The following PAK2 variants were observed in gnomAD, a reference collection of about 807,000 sequenced individuals.
The protein encoded by PAK2 is serine/threonine-protein kinase PAK 2.
A neutral mutation model predicts 65.9 loss-of-function variants in PAK2; 21 were observed. That is an observed-to-expected ratio of 0.32 (90% CI 0.23 to 0.46). The LOEUF (loss-of-function observed/expected upper bound fraction) is 0.46. PAK2 is among the 20% of genes least tolerant of loss of function. The pLI is 1.00. For synonymous variants in PAK2, 204 were observed against 219.7 expected (o/e 0.93, Z 0.63); for missense variants, 324 against 642.6 (o/e 0.50, Z 5.36).
intron 1 of PAK2, among the ~76,000 whole-genome samples, chr3:196,772,595 G>A (rs530706454): frequency 7.9e-5 from 12 of 152,130 alleles, no homozygotes; most frequent in Middle Eastern, 3.4e-3. Flanking sequence ...GCTACTAGTG[G>A]GACTGATGTT....
intron 1 of PAK2, among the ~76,000 whole-genome samples, chr3:196,779,673 GTTTT>G (rs1714644048): frequency 6.6e-6 from 1 of 152,020 alleles, no homozygotes; most frequent in Non-Finnish European, 1.5e-5. Flanking sequence ...TGTTGTTGTT[GTTTT>G]TTGTTTTGTT....
chr3:196,825,437 T>A (rs188722737), intron 13 of PAK2, among the ~76,000 whole-genome samples: 7,307 of 150,364 alleles, frequency 0.049, 623 homozygotes, highest in African/African-American at 0.17. Context: ...AAGTTGGGAG[T>A]TTAAGACCAG....
At chr3:196,764,249 CAAAT>C (rs975891208) in intron 1 of PAK2, among the ~76,000 whole-genome samples, 10 of 152,052 alleles carry the variant, frequency 6.6e-5, no homozygotes, top group African/African-American at 1.9e-4. Context: ...ATAAGTTTGT[CAAAT>C]AAACATTTTA....
Position 196,816,240 on chromosome 3 carries a change from TA to T in PAK2, c.1053+1673del, listed in dbSNP as rs1296706806. On this transcript the variant is annotated intron_variant, in intron 11 of 14. Coordinates refer to ENST00000327134, the MANE Select transcript of PAK2 (RefSeq NM_002577.4). ...TGTTCATGTAAGGATGATACATATA[TA>T]TTTCCCTTTTCCATCTGTCATTAAG... Among the ~76,000 whole-genome samples, 3 of 152,194 alleles carry T rather than the reference TA, an allele frequency of 2.0e-5. No homozygotes were observed. In the East Asian group the frequency reaches 5.8e-4, roughly 29 times the overall value.
intron 13 of PAK2, among the ~76,000 whole-genome samples, chr3:196,823,066 C>T (rs1234121541): frequency 6.6e-6 from 1 of 152,092 alleles, no homozygotes; most frequent in East Asian, 1.9e-4. Flanking sequence ...AAGTGGTCTC[C>T]TTCAGTTTTA....
chr3:196,796,248 A>G (rs938017176), intron 2 of PAK2, among the ~76,000 whole-genome samples: 1 of 152,178 alleles, frequency 6.6e-6, no homozygotes, highest in Non-Finnish European at 1.5e-5. Flanking sequence ...AATTGTTTTG[A>G]GTTTTTAAGA....
At chr3:196,763,837 A>C (rs1714065698) in intron 1 of PAK2, among the ~76,000 whole-genome samples, 1 of 152,218 alleles carries the variant, frequency 6.6e-6, no homozygotes, top group African/African-American at 2.4e-5. Context: ...TCTGTCACCC[A>C]GGCTGGAGTG....
chr3:196,789,038 G>T (rs1040574348), intron 2 of PAK2, among the ~76,000 whole-genome samples: 3 of 152,174 alleles, frequency 2.0e-5, no homozygotes, highest in Non-Finnish European at 4.4e-5. Context: ...GAAAGACCTG[G>T]CCATCTCTCT....
At chr3:196,786,451 G>A (rs1355021231) in intron 2 of PAK2, among the ~76,000 whole-genome samples, 4 of 152,010 alleles carry the variant, frequency 2.6e-5, no homozygotes, top group South Asian at 2.1e-4. Flanking sequence ...GTGAGCCACC[G>A]TGCCTGTCTT....
chr3:196,792,194 T>C (rs1715095318), intron 2 of PAK2, among the ~76,000 whole-genome samples: 1 of 152,164 alleles, frequency 6.6e-6, no homozygotes, highest in Admixed American at 6.6e-5. Flanking sequence ...TTTCCAAAAG[T>C]AGGATGCTGA....
At chr3:196,819,007 A>G (rs2108771867) in intron 12 of PAK2, among the ~76,000 whole-genome samples, 1 of 152,374 alleles carries the variant, frequency 6.6e-6, no homozygotes, top group South Asian at 2.1e-4. Flanking sequence ...TCTCTCCTGT[A>G]GAATTTCTGA....
At chr3:196,769,548 A>G (rs986906599) in intron 1 of PAK2, among the ~76,000 whole-genome samples, 1 of 151,754 alleles carries the variant, frequency 6.6e-6, no homozygotes, top group Non-Finnish European at 1.5e-5. Context: ...GTGGTGGCTC[A>G]CGCCTGTAAT....
intron 14 of PAK2, 78 bp downstream of exon 14, chr3:196,827,411 AAGT>A: frequency 6.5e-7 from 1 of 1,543,984 alleles, no homozygotes; most frequent in Non-Finnish European, 8.7e-7. Flanking sequence ...TAGGGCTAAT[AAGT>A]AGATTTCACT....
chr3:196,747,306 A>T (rs2108707014), intron 1 of PAK2: 1 of 152,244 alleles, frequency 6.6e-6, no homozygotes, highest in East Asian at 1.9e-4. Flanking sequence ...TGGCTACGAT[A>T]CCGCCACTGT....
chr3:196,805,439 C>T (rs1715555389), intron 5 of PAK2, 56 bp downstream of exon 5: 3 of 824,176 alleles, frequency 3.6e-6, no homozygotes, highest in Non-Finnish European at 5.8e-6. Context: ...TTACCCAAGA[C>T]AAATCTCAGT....
intron 7 of PAK2, among the ~76,000 whole-genome samples, chr3:196,809,267 T>G (rs529212007): frequency 6.7e-6 from 1 of 150,280 alleles, no homozygotes; most frequent in South Asian, 2.1e-4. Context: ...AACAAATGTT[T>G]ATATGCCCCA....
At chr3:196,759,489 GTTTTTTTTGTTTTTTTTTTTTTTTTTTTT>G (rs1264521361) in intron 1 of PAK2, among the ~76,000 whole-genome samples, 32 of 98,854 alleles carry the variant, frequency 3.2e-4, no homozygotes, top group Non-Finnish European at 4.2e-4. Flanking sequence ...CAGTTAAGTG[GTTTTTTTTGTTTTTTTTTTTTTTTTTTTT>G]TTTTTTTTTT....
At chr3:196,825,510 G>A (rs1307213387) in intron 13 of PAK2, among the ~76,000 whole-genome samples, 2 of 152,096 alleles carry the variant, frequency 1.3e-5, no homozygotes, top group East Asian at 1.9e-4. Flanking sequence ...GGGCATTTTG[G>A]CGGGCGCCTA....
chr3:196,828,454 C>T lies in PAK2; in HGVS notation c.*49C>T, dbSNP rs776574470. ...CTTTTTTCCATTTTCTACAAGAAGC[C>T]TTTTAGTATATGAAAATTATTACTC... On this transcript the variant is annotated 3_prime_UTR_variant, in exon 15 of 15. Transcript: ENST00000327134. 5.6e-6 allele frequency: 6 copies of T among 1,074,922 alleles called. No homozygotes were observed. Among genetic ancestry groups the T allele is most frequent in the South Asian group, 2.6e-5 (2 of 76,322 alleles). The allele number at this position is 1,074,922 out of a possible 1,614,324, so 66.6% of individuals were successfully genotyped here.
Sources: allele counts gnomAD v4.1 joint callset (sites outside exome capture counted in the v4.1 genomes callset), GRCh38; gene constraint gnomAD v4.1.1; transcripts MANE v1.5; gene names NCBI Gene and HGNC (gene_info 2026-07-23, HGNC 2026-07-21).